SH3BP2: variants seen among roughly 807,000 people sequenced by gnomAD.
The protein encoded by SH3BP2 is SH3 domain binding protein 2.
SH3BP2 carries 38 observed loss-of-function variants against 56.2 expected under a neutral mutation model. The observed-to-expected ratio is 0.68, with a 90% CI of 0.52 to 0.89. The LOEUF (loss-of-function observed/expected upper bound fraction) is 0.89, where lower values mean the gene tolerates loss of function less well. SH3BP2 is among the 40% of genes least tolerant of loss of function. The pLI is 0.00. For missense variants in SH3BP2, 748 were observed against 762.6 expected, an observed-to-expected ratio of 0.98 and a Z score of 0.23; for synonymous variants, 346 against 316.7, an observed-to-expected ratio of 1.09 and a Z score of -0.98.
At chr4:2,804,530 C>A (rs1723449034) in intron 1 of SH3BP2, among the ~76,000 whole-genome samples, 1 of 152,202 alleles carries the variant, frequency 6.6e-6, no homozygotes, top group Non-Finnish European at 1.5e-5. Context: ...GCCCCTGCTT[C>A]CCCAGGCCTT....
At chr4:2,816,962 T>C (rs758579092) in intron 1 of SH3BP2, among the ~76,000 whole-genome samples, 13 of 152,250 alleles carry the variant, frequency 8.5e-5, no homozygotes, top group Non-Finnish European at 1.6e-4. Context: ...TTCCCTCCTC[T>C]TCTATTTTCT....
intron 5 of SH3BP2, 173 bp from the exon 6 acceptor site, chr4:2,827,057 A>ATG (rs563980546): frequency 1.0e-3 from 730 of 699,604 alleles, no homozygotes; most frequent in Non-Finnish European, 1.7e-3. Flanking sequence ...CCGTGTGTGC[A>ATG]TGTGTGTGTC....
At chr4:2,814,718 ATACCCAC>A (rs1290730985) in intron 1 of SH3BP2, 1 of 152,232 alleles carries the variant, frequency 6.6e-6, no homozygotes, top group African/African-American at 2.4e-5. Context: ...GGACTCCTCC[ATACCCAC>A]TTTACACTGG....
At position 2,840,276 on chromosome 4, in the gene SH3BP2, C is replaced by T. The variant is rs557311217; in HGVS notation, c.*6442C>T. The stretch of plus-strand genomic sequence containing the variant: ...AAAAGAAAACCACTGAAATTATTTC[C>T]ACTCCAAGGTCATGAAGATAGTCTC... On this transcript the variant is annotated 3_prime_UTR_variant, in exon 13 of 13. Coordinates refer to ENST00000503393, the MANE Select transcript of SH3BP2 (RefSeq NM_001122681.2). The T allele has an allele frequency of 8.0e-5, 12 of 150,828 alleles. No individual in the cohort carries two copies. The East Asian group carries it at 1.9e-3, about 24-fold the overall frequency. The allele number at this position is 150,828 out of a possible 1,614,324, so 9.3% of individuals were successfully genotyped here. A position where few individuals can be genotyped will look rare whatever the true frequency, so the allele number is the denominator to read the frequency against.
rs566134615 is a variant in SH3BP2 at position 2,801,178 on chromosome 4, C to G, written c.-5+8040C>G. Among the ~76,000 whole-genome samples, 3 of 152,286 alleles carry G rather than the reference C, an allele frequency of 2.0e-5. No individual in the cohort carries two copies. The South Asian group carries it at 6.2e-4, about 32-fold the overall frequency. ...GCGGCAGAGGCTGGGGGCTGGGCTC[C>G]TTTCCCGGCAGGCCGGGCCCACCGC... On this transcript the variant is annotated intron_variant, in intron 1 of 12. Coordinates refer to ENST00000503393, the MANE Select transcript of SH3BP2 (RefSeq NM_001122681.2).
intron 1 of SH3BP2, among the ~76,000 whole-genome samples, chr4:2,802,887 C>A (rs140675054): frequency 6.6e-6 from 1 of 152,266 alleles, no homozygotes; most frequent in African/African-American, 2.4e-5. Flanking sequence ...TGACAGGGTT[C>A]CTGGGTAAGC....
intron 2 of SH3BP2, among the ~76,000 whole-genome samples, chr4:2,822,202 T>G (rs1368426541): frequency 0.033 from 2 of 60 alleles, no homozygotes; most frequent in Non-Finnish European, 0.071. Flanking sequence ...TCACCCAGAC[T>G]GCAGTGCAGT....
intron 1 of SH3BP2, among the ~76,000 whole-genome samples, chr4:2,795,532 C>G (rs1723030417): frequency 6.6e-6 from 1 of 152,208 alleles, no homozygotes; most frequent in Non-Finnish European, 1.5e-5. Context: ...ACTGTGCAGC[C>G]TGGGTGGGTG....
At chr4:2,801,413 G>A (rs897637013) in intron 1 of SH3BP2, among the ~76,000 whole-genome samples, 1 of 152,212 alleles carries the variant, frequency 6.6e-6, no homozygotes, top group African/African-American at 2.4e-5. Flanking sequence ...CCAACCCGGG[G>A]TCTGGCCCAC....
intron 7 of SH3BP2, 72 bp downstream of exon 7, chr4:2,827,746 C>T: frequency 1.5e-6 from 2 of 1,351,930 alleles, no homozygotes; most frequent in African/African-American, 1.4e-5. Flanking sequence ...GAGCAGAGCC[C>T]CTCCGAGGCT....
At chr4:2,813,078 T>C (rs1469082461) in intron 1 of SH3BP2, among the ~76,000 whole-genome samples, 1 of 152,152 alleles carries the variant, frequency 6.6e-6, no homozygotes, top group African/African-American at 2.4e-5. Flanking sequence ...TTACTGGGCC[T>C]TTACGGGAGA....
chr4:2,808,192 C>G (rs1723608018), intron 1 of SH3BP2, among the ~76,000 whole-genome samples: 2 of 152,196 alleles, frequency 1.3e-5, no homozygotes, highest in South Asian at 4.1e-4. Flanking sequence ...GGGGAAGCCC[C>G]TTCCTCCCCT....
intron 2 of SH3BP2, 72 bp downstream of exon 2, chr4:2,820,825 C>G: frequency 1.4e-6 from 2 of 1,453,690 alleles, no homozygotes; most frequent in Non-Finnish European, 1.9e-6. Context: ...AGTAAGCATC[C>G]TCTCCAAGCC....
Position 2,825,064 on chromosome 4 carries a change from G to T in SH3BP2, c.358-62G>T, listed in dbSNP as rs1577359980. On this transcript the variant is annotated intron_variant, in intron 4 of 12. Coordinates refer to ENST00000503393, the MANE Select transcript of SH3BP2 (RefSeq NM_001122681.2). ...CAGAGCAGGCAGGGCAGTGAAGGTG[G>T]AGGGGTGCGGTGGGGCCCACCCTGG... is the stretch of plus-strand genomic sequence containing the variant. 24 of 1,425,608 alleles carry T rather than the reference G, an allele frequency of 1.7e-5. No homozygotes were observed. The East Asian group carries it at 5.9e-4, about 35-fold the overall frequency. 88.3% of individuals were successfully genotyped at this position (1,425,608 alleles called of 1,614,324 possible). A position where few individuals can be genotyped will look rare whatever the true frequency, so the allele number is the denominator to read the frequency against.
chr4:2,812,468 G>C, intron 1 of SH3BP2: 1 of 1,550,148 alleles, frequency 6.5e-7, no homozygotes, highest in Non-Finnish European at 8.7e-7. Flanking sequence ...TGTTGGGTCA[G>C]CACCATCAGG....
chr4:2,828,298 G>A (rs1724788293), intron 7 of SH3BP2, among the ~76,000 whole-genome samples: 1 of 151,566 alleles, frequency 6.6e-6, no homozygotes, highest in African/African-American at 2.4e-5. Context: ...CCCTGCGTCC[G>A]CCCTGCCTCC....
At chr4:2,794,007 C>T (rs1722982731) in intron 1 of SH3BP2, among the ~76,000 whole-genome samples, 1 of 152,224 alleles carries the variant, frequency 6.6e-6, no homozygotes, top group African/African-American at 2.4e-5. Flanking sequence ...CTCTCTGTGC[C>T]TCAGTTTGCT....
chr4:2,806,938 A>T (rs1253721482), intron 1 of SH3BP2, among the ~76,000 whole-genome samples: 2 of 152,250 alleles, frequency 1.3e-5, no homozygotes, highest in African/African-American at 4.8e-5. Context: ...CCCAGGTGCC[A>T]TGCAGGCAGC....
chr4:2,833,257 C>CG, intron 12 of SH3BP2: 2 of 637,570 alleles, frequency 3.1e-6, no homozygotes, highest in Non-Finnish European at 5.7e-6. Context: ...CCTCCACTGA[C>CG]CCTAGTGGGG....
Sources: allele counts gnomAD v4.1 joint callset (sites outside exome capture counted in the v4.1 genomes callset), GRCh38; gene constraint gnomAD v4.1.1; transcripts MANE v1.5; gene names NCBI Gene and HGNC (gene_info 2026-07-23, HGNC 2026-07-21).